The following WWC1 variants were observed in gnomAD, a reference collection of about 807,000 sequenced individuals.
The protein encoded by WWC1 is WW and C2 domain containing 1, also known as protein KIBRA.
Under a neutral mutation model 138.4 loss-of-function variants are expected in WWC1, and 55 were observed. The ratio of observed to expected loss-of-function variants is 0.40; its 90% CI spans 0.32 to 0.50. The LOEUF (loss-of-function observed/expected upper bound fraction) is 0.50, where lower values mean the gene tolerates loss of function less well. WWC1 is among the 20% of genes least tolerant of loss of function. The pLI is 0.72. For synonymous variants in WWC1, 524 were observed against 564.9 expected, an observed-to-expected ratio of 0.93 and a Z score of 1.03; for missense variants, 1,226 against 1,420.4, an observed-to-expected ratio of 0.86 and a Z score of 2.20.
intron 9 of WWC1, among the ~76,000 whole-genome samples, chr5:168,417,481 A>T (rs975646219): frequency 6.6e-6 from 1 of 152,156 alleles, no homozygotes; most frequent in South Asian, 2.1e-4. Context: ...CCTGAGGTTA[A>T]TCCCCATTTT....
At chr5:168,434,324 G>T (rs1393838483) in intron 15 of WWC1, among the ~76,000 whole-genome samples, 3 of 151,642 alleles carry the variant, frequency 2.0e-5, no homozygotes, top group Non-Finnish European at 4.4e-5. Context: ...TCAGGCTGTC[G>T]TATTCTGGTG....
At chr5:168,420,423 T>G (rs1781001397) in intron 9 of WWC1, among the ~76,000 whole-genome samples, 3 of 152,156 alleles carry the variant, frequency 2.0e-5, no homozygotes, top group Non-Finnish European at 4.4e-5. Context: ...CATTTTACCT[T>G]AATTACTTCT....
intron 1 of WWC1, among the ~76,000 whole-genome samples, chr5:168,321,770 C>G (rs1256078838): frequency 1.3e-5 from 2 of 152,222 alleles, no homozygotes; most frequent in Admixed American, 6.5e-5. Context: ...CTCCCGACCT[C>G]AGGTGATCCG....
At chr5:168,465,359 G>A (rs1757174537) in intron 21 of WWC1, among the ~76,000 whole-genome samples, 1 of 151,958 alleles carries the variant, frequency 6.6e-6, no homozygotes. Flanking sequence ...AAGTCCCACA[G>A]GGCAGCCCTT....
chr5:168,358,639 A>G (rs764936684), intron 1 of WWC1, among the ~76,000 whole-genome samples: 21 of 152,206 alleles, frequency 1.4e-4, no homozygotes, highest in Non-Finnish European at 2.9e-4. Flanking sequence ...AAATGGAGCT[A>G]ATAATACTGT....
At chr5:168,347,224 C>T (rs979819943) in intron 1 of WWC1, among the ~76,000 whole-genome samples, 1 of 152,228 alleles carries the variant, frequency 6.6e-6, no homozygotes, top group African/African-American at 2.4e-5. Context: ...TAGATGGGTG[C>T]TGTGTCCTGG....
rs116830759 is a variant in WWC1 at position 168,447,307 on chromosome 5, T to G, written c.2525+2722T>G. On this transcript the variant is annotated intron_variant, in intron 17 of 22. Coordinates refer to ENST00000265293, the MANE Select transcript of WWC1 (RefSeq NM_015238.3). Reference sequence around the variant, plus strand: ...AGGCGGCGCCCTCCCGTAATATCTGTTACTCCACAGGTCAGCAGATGATTT... The same window carrying G: ...AGGCGGCGCCCTCCCGTAATATCTGGTACTCCACAGGTCAGCAGATGATTT... Among the ~76,000 whole-genome samples, 983 of 152,320 alleles carry G rather than the reference T, an allele frequency of 6.5e-3. 8 individuals are homozygous for G. Among genetic ancestry groups the G allele is most frequent in the African/African-American group, 0.023 (946 of 41,566 alleles).
At chr5:168,457,147 T>A (rs201341824) in intron 19 of WWC1, among the ~76,000 whole-genome samples, 3 of 135,302 alleles carry the variant, frequency 2.2e-5, no homozygotes, top group Admixed American at 1.4e-4. Context: ...GGCATTTTTT[T>A]TTTTTTTTTT....
intron 1 of WWC1, among the ~76,000 whole-genome samples, chr5:168,319,456 C>T (rs1019757390): frequency 2.0e-5 from 3 of 152,186 alleles, no homozygotes; most frequent in Non-Finnish European, 4.4e-5. Context: ...GTTGCCCCTG[C>T]TTTCCATTCT....
chr5:168,359,362 A>G (rs1191897351), intron 1 of WWC1, among the ~76,000 whole-genome samples: 1 of 152,128 alleles, frequency 6.6e-6, no homozygotes, highest in East Asian at 1.9e-4. Flanking sequence ...CCTATACACT[A>G]TAGAGTTTTT....
Position 168,292,153 on chromosome 5 carries a change from A to ATGCCCCGGCCGGAGC in WWC1, c.8_22dup (p.Arg3_Pro7dup), listed in dbSNP as rs1402540293. On this transcript the variant is annotated inframe_insertion, in exon 1 of 23. Coordinates refer to ENST00000265293, the MANE Select transcript of WWC1 (RefSeq NM_015238.3). The surrounding 1 kb of genome is among the most constrained non-coding windows in gnomAD (Gnocchi z 4.4). ...GGGAGCGCCGGCAGCGCTTGGGAAG[A>ATGCCCCGGCCGGAGC]TGCCCCGGCCGGAGCTGCCCCTGCC... 3 of 1,538,408 alleles carry ATGCCCCGGCCGGAGC rather than the reference A, an allele frequency of 2.0e-6. No individual in the cohort carries two copies. Among genetic ancestry groups the ATGCCCCGGCCGGAGC allele is most frequent in the Admixed American group, 2.0e-5 (1 of 49,988 alleles).
chr5:168,459,232 C>A (rs946828063), intron 19 of WWC1, among the ~76,000 whole-genome samples: 2 of 125,328 alleles, frequency 1.6e-5, no homozygotes, highest in Admixed American at 1.0e-4. Context: ...CCAGCCTGGG[C>A]GAAAGGAGTG....
intron 15 of WWC1, among the ~76,000 whole-genome samples, chr5:168,435,132 C>A (rs1782253575): frequency 6.6e-6 from 1 of 152,194 alleles, no homozygotes; most frequent in Admixed American, 6.5e-5. Context: ...CCACTCATCA[C>A]AATGACTAAT....
chr5:168,364,015 C>G (rs941401701), intron 1 of WWC1, among the ~76,000 whole-genome samples: 8 of 152,062 alleles, frequency 5.3e-5, no homozygotes, highest in Admixed American at 3.3e-4. Flanking sequence ...GCGCAGAACT[C>G]TCTGATTATG....
At chr5:168,456,029 G>T (rs1236612453) in intron 19 of WWC1, among the ~76,000 whole-genome samples, 3 of 152,210 alleles carry the variant, frequency 2.0e-5, no homozygotes, top group Non-Finnish European at 4.4e-5. Context: ...GCCAGATGCA[G>T]TGTCTCATGC....
At chr5:168,429,818 C>CTAGCTACTT (rs1296108972) in intron 13 of WWC1, among the ~76,000 whole-genome samples, 2 of 152,030 alleles carry the variant, frequency 1.3e-5, no homozygotes, top group African/African-American at 4.8e-5. Flanking sequence ...ACCTGTAGTC[C>CTAGCTACTT]TAGCTACTTG....
chr5:168,434,246 CTG>C (rs1458602938), intron 15 of WWC1, among the ~76,000 whole-genome samples: 1 of 152,246 alleles, frequency 6.6e-6, no homozygotes, highest in Non-Finnish European at 1.5e-5. Context: ...GCTCATCTCA[CTG>C]TGGCTTGTCT....
intron 3 of WWC1, among the ~76,000 whole-genome samples, chr5:168,387,120 A>G (rs1353222996): frequency 6.6e-6 from 1 of 152,224 alleles, no homozygotes; most frequent in East Asian, 1.9e-4. Flanking sequence ...CTTAGGATCA[A>G]CAATGTGCCC....
chr5:168,387,697 C>T (rs191733653), intron 3 of WWC1, among the ~76,000 whole-genome samples: 6 of 152,318 alleles, frequency 3.9e-5, no homozygotes, highest in East Asian at 3.9e-4. Context: ...CTAATCCCAT[C>T]GTGAGGAGCC....
Sources: gnomAD v4.1 joint callset for allele counts (sites outside exome capture counted in the v4.1 genomes callset) on GRCh38, gnomAD v4.1.1 for gene constraint, Gnocchi (gnomAD v3.1) non-coding constraint, MANE v1.5 for transcripts, NCBI Gene and HGNC (gene_info 2026-07-23, HGNC 2026-07-21) for gene names.